Variants in CCDC102B observed in about 807,000 individuals in gnomAD.
CCDC102B encodes the protein coiled-coil domain containing 102B.
In CCDC102B, 75 loss-of-function variants were observed where a neutral mutation model predicts 57.4. The observed-to-expected ratio is 1.31, with a 90% CI of 1.08 to 1.58. The LOEUF is 1.58. Ranked by LOEUF, CCDC102B falls within the 40% of genes most tolerant of loss-of-function variation. CCDC102B has a pLI of 0.00. For synonymous variants in CCDC102B, 206 were observed against 201.9 expected, an observed-to-expected ratio of 1.02 and a Z score of -0.17; for missense variants, 636 against 582.6, an observed-to-expected ratio of 1.09 and a Z score of -0.94.
At chr18:68,973,097 C>T (rs1599775212) in intron 6 of CCDC102B, among the ~76,000 whole-genome samples, 3 of 152,190 alleles carry the variant, frequency 2.0e-5, no homozygotes, top group Admixed American at 6.5e-5. Context: ...GTTTTCATAT[C>T]GCTACAGTAT....
intron 4 of CCDC102B, chr18:68,866,857 C>T (rs1339967595): frequency 5.8e-6 from 4 of 684,810 alleles, no homozygotes; most frequent in South Asian, 4.2e-5. Flanking sequence ...AGCACTGATC[C>T]ACCACAGCTA....
chr18:68,972,747 T>C (rs573542915), intron 6 of CCDC102B, among the ~76,000 whole-genome samples: 3 of 152,308 alleles, frequency 2.0e-5, no homozygotes, highest in African/African-American at 7.2e-5. Context: ...CCTTTTTTAA[T>C]AATTCTATTC....
chr18:68,871,354 C>T (rs2039231184), intron 4 of CCDC102B, among the ~76,000 whole-genome samples: 1 of 152,080 alleles, frequency 6.6e-6, no homozygotes, highest in South Asian at 2.1e-4. Flanking sequence ...ATTCATAATT[C>T]CACTAAATTA....
chr18:69,016,773 A>G (rs1158614433), intron 7 of CCDC102B, among the ~76,000 whole-genome samples: 1 of 152,310 alleles, frequency 6.6e-6, no homozygotes, highest in South Asian at 2.1e-4. Context: ...TTTTTTCCCA[A>G]TATAACTCTG....
At chr18:68,824,237 A>T (rs1230727033) in intron 1 of CCDC102B, among the ~76,000 whole-genome samples, 1 of 152,192 alleles carries the variant, frequency 6.6e-6, no homozygotes, top group Non-Finnish European at 1.5e-5. Flanking sequence ...TATGTATAGT[A>T]AAAAGCAAGG....
In CCDC102B at chr18:69,054,233, A is replaced by C; in HGVS notation, c.*96A>C. On this transcript the variant is annotated 3_prime_UTR_variant, in exon 8 of 8. Coordinates refer to ENST00000360242, the MANE Select transcript of CCDC102B (RefSeq NM_024781.3). ...CAGTAAAATTGTTTTTATTAACTAG[A>C]AATATTAATGAAAAAAACGTAGACA... 2 of 1,390,792 alleles carry C rather than the reference A, an allele frequency of 1.4e-6. No homozygotes were observed. The highest frequency in any genetic ancestry group is 3.4e-5 in the South Asian group (2 of 58,204). 86.2% of individuals were successfully genotyped at this position (1,390,792 alleles called of 1,614,324 possible). A position where few individuals can be genotyped will look rare whatever the true frequency, so the allele number is the denominator to read the frequency against.
At chr18:68,887,679 A>G (rs2039937830) in intron 5 of CCDC102B, among the ~76,000 whole-genome samples, 1 of 152,240 alleles carries the variant, frequency 6.6e-6, no homozygotes, top group African/African-American at 2.4e-5. Context: ...AATCTTCACT[A>G]AAGTGTACCT....
intron 7 of CCDC102B, among the ~76,000 whole-genome samples, chr18:69,021,047 G>T: frequency 6.6e-6 from 1 of 152,208 alleles, no homozygotes; most frequent in East Asian, 1.9e-4. Context: ...TTACAGCTTA[G>T]CTAATTCTGG....
At chr18:68,820,227 C>T (rs1293933902) in intron 1 of CCDC102B, among the ~76,000 whole-genome samples, 1 of 151,974 alleles carries the variant, frequency 6.6e-6, no homozygotes, top group East Asian at 1.9e-4. Context: ...TCACTACTTT[C>T]CCTTCTATTT....
chr18:68,791,999 C>T (rs1264093311), intron 2 of CCDC102B, among the ~76,000 whole-genome samples: 4 of 152,134 alleles, frequency 2.6e-5, no homozygotes, highest in East Asian at 3.9e-4. Context: ...GTGGCAGCTG[C>T]GCACAGGACA....
intron 2 of CCDC102B, among the ~76,000 whole-genome samples, chr18:68,760,321 A>G (rs2034212473): frequency 6.6e-6 from 1 of 152,112 alleles, no homozygotes; most frequent in Non-Finnish European, 1.5e-5. Flanking sequence ...AGGAGTTTAA[A>G]TCAGAGTGCA....
Position 68,877,568 on chromosome 18 carries a change from A to G in CCDC102B, c.1053+2783A>G, listed in dbSNP as rs190910778. Among the ~76,000 whole-genome samples, 6 of 152,316 alleles carry G rather than the reference A, an allele frequency of 3.9e-5. No individual in the cohort carries two copies. The East Asian group carries it at 9.7e-4, about 25-fold the overall frequency. On this transcript the variant is annotated intron_variant, in intron 5 of 7. Transcript: ENST00000360242. Reference sequence around the variant, plus strand: ...TAATTTCTTTCATGTCAACATATCAATTGTTACTCTCAATGCTTCCAATCC... The same window carrying G: ...TAATTTCTTTCATGTCAACATATCAGTTGTTACTCTCAATGCTTCCAATCC...
chr18:68,726,020 A>G (rs1401707661), intron 2 of CCDC102B, among the ~76,000 whole-genome samples: 2 of 152,184 alleles, frequency 1.3e-5, no homozygotes, highest in African/African-American at 2.4e-5. Context: ...TCGGTCTGCT[A>G]ATGAGTCCAT....
At chr18:69,028,354 G>C (rs2052048826) in intron 7 of CCDC102B, among the ~76,000 whole-genome samples, 1 of 152,194 alleles carries the variant, frequency 6.6e-6, no homozygotes, top group African/African-American at 2.4e-5. Flanking sequence ...CAGCTGAAAT[G>C]CGTCTGAATG....
intron 6 of CCDC102B, among the ~76,000 whole-genome samples, chr18:68,927,234 T>C (rs976260213): frequency 1.3e-5 from 2 of 151,990 alleles, no homozygotes; most frequent in African/African-American, 4.8e-5. Flanking sequence ...TTAAATTAAA[T>C]GTCCTCATAA....
intron 2 of CCDC102B, among the ~76,000 whole-genome samples, chr18:68,776,060 T>C (rs1395282222): frequency 6.6e-6 from 1 of 152,230 alleles, no homozygotes; most frequent in African/African-American, 2.4e-5. Context: ...TTTTTGGGCA[T>C]TATGAGTAGA....
intron 7 of CCDC102B, among the ~76,000 whole-genome samples, chr18:69,039,482 G>A (rs1298731283): frequency 6.6e-6 from 1 of 151,718 alleles, no homozygotes; most frequent in Non-Finnish European, 1.5e-5. Flanking sequence ...CTGCATCTCT[G>A]AATATTTTCT....
chr18:69,031,346 T>A (rs948670672), intron 7 of CCDC102B, among the ~76,000 whole-genome samples: 1 of 152,160 alleles, frequency 6.6e-6, no homozygotes, highest in African/African-American at 2.4e-5. Flanking sequence ...ATTTGGCTTA[T>A]AATCCAATCA....
intron 5 of CCDC102B, among the ~76,000 whole-genome samples, chr18:68,877,622 T>C (rs77433293): frequency 6.1e-4 from 93 of 152,360 alleles, no homozygotes; most frequent in African/African-American, 2.2e-3. Context: ...CTCTTACAGT[T>C]GTGTTTAACA....
Sources: allele counts gnomAD v4.1 joint callset (sites outside exome capture counted in the v4.1 genomes callset), GRCh38; gene constraint gnomAD v4.1.1; transcripts MANE v1.5; gene names NCBI Gene and HGNC (gene_info 2026-07-23, HGNC 2026-07-21).